MANBA: variants seen among roughly 807,000 people sequenced by gnomAD.
MANBA encodes the protein beta-mannosidase.
Under a neutral mutation model 111.1 loss-of-function variants are expected in MANBA, and 83 were observed. The ratio of observed to expected loss-of-function variants is 0.75; its 90% confidence interval spans 0.63 to 0.90. The LOEUF (loss-of-function observed/expected upper bound fraction) is 0.90. Ranked by LOEUF, MANBA falls within the 40% of genes least tolerant of loss-of-function variation. The pLI, the probability that MANBA is intolerant of heterozygous loss-of-function variation, is 0.00. For synonymous variants in MANBA, 370 were observed against 378.7 expected (o/e 0.98, Z 0.27); for missense variants, 1,036 against 1,069.0 (o/e 0.97, Z 0.43).
chr4:102,665,384 G>A (rs1317169165), intron 10 of MANBA: 2 of 161,144 alleles, frequency 1.2e-5, no homozygotes, highest in Non-Finnish European at 2.7e-5. Flanking sequence ...TACAAAGCAA[G>A]TGAGTACTAG....
intron 1 of MANBA, among the ~76,000 whole-genome samples, chr4:102,754,385 A>T (rs1723926420): frequency 6.6e-6 from 1 of 152,158 alleles, no homozygotes; most frequent in African/African-American, 2.4e-5. Flanking sequence ...ATAGAAAAAA[A>T]TGGAGTCCAA....
At chr4:102,729,914 A>T in intron 1 of MANBA, 1 of 1,515,220 alleles carries the variant, frequency 6.6e-7, no homozygotes, top group Non-Finnish European at 9.1e-7. Flanking sequence ...GGGTGCGCAC[A>T]GCCTGGATGT....
At chr4:102,688,917 G>C (rs1732345251) in intron 7 of MANBA, among the ~76,000 whole-genome samples, 1 of 152,194 alleles carries the variant, frequency 6.6e-6, no homozygotes, top group Non-Finnish European at 1.5e-5. Context: ...TGATGGGCAA[G>C]AGGTCTTATT....
In MANBA at chr4:102,751,308, G is replaced by T. The variant is rs1723781215; in HGVS notation, c.177+9410C>A. ...AGACTGCAGCTTCTCGCTTACCTGT[G>T]CAGTCTAATTTTGAGCGGCCTCTTT... On this transcript the variant is annotated intron_variant, in intron 1 of 16. Coordinates refer to ENST00000647097, the MANE Select transcript of MANBA (RefSeq NM_005908.4). The T allele has an allele frequency of 3.3e-5, 11 of 338,036 alleles. 1 individual carries two copies. The highest frequency in any genetic ancestry group is 2.6e-4 in the South Asian group (11 of 41,546). 20.9% of individuals were successfully genotyped at this position (338,036 alleles called of 1,614,324 possible). A position where few individuals can be genotyped will look rare whatever the true frequency, so the allele number is the denominator to read the frequency against.
chr4:102,729,263 T>C (rs900583892), intron 1 of MANBA: 71 of 751,552 alleles, frequency 9.4e-5, no homozygotes, highest in South Asian at 2.2e-4. Context: ...ATCTCAGTCT[T>C]TGTACACTGC....
At chr4:102,736,782 C>T (rs1204251997) in intron 1 of MANBA, among the ~76,000 whole-genome samples, 1 of 152,166 alleles carries the variant, frequency 6.6e-6, no homozygotes, top group African/African-American at 2.4e-5. Context: ...TGAATTTTTG[C>T]TCCAAGAACC....
intron 1 of MANBA, among the ~76,000 whole-genome samples, chr4:102,730,955 G>A (rs1723010786): frequency 6.6e-6 from 1 of 151,822 alleles, no homozygotes; most frequent in African/African-American, 2.4e-5. Flanking sequence ...CATCTCACAC[G>A]CTCCACCTCT....
chr4:102,682,529 G>A lies in MANBA; in HGVS notation c.960+7045C>T, dbSNP rs1312760617. Among the ~76,000 whole-genome samples the A allele has an allele frequency of 2.6e-5, 4 of 152,100 alleles. No homozygotes were observed. The East Asian group carries it at 5.8e-4, about 22-fold the overall frequency. ...TTAATAAAACTTCTGACAAGAATAAGGCCAAAAGGACAGTGTACTGGGTTG... is the reference window on the plus strand; with the variant it reads ...TTAATAAAACTTCTGACAAGAATAAAGCCAAAAGGACAGTGTACTGGGTTG... On this transcript the variant is annotated intron_variant, in intron 7 of 16. Coordinates refer to ENST00000647097, the MANE Select transcript of MANBA (RefSeq NM_005908.4).
intron 15 of MANBA, among the ~76,000 whole-genome samples, chr4:102,635,660 C>G (rs909264755): frequency 6.6e-6 from 1 of 152,184 alleles, no homozygotes; most frequent in Admixed American, 6.5e-5. Flanking sequence ...AGACTGGTAT[C>G]ATTTTACTGA....
chr4:102,738,001 T>C (rs2110203836), intron 1 of MANBA, among the ~76,000 whole-genome samples: 1 of 152,280 alleles, frequency 6.6e-6, no homozygotes, highest in Admixed American at 6.5e-5. Context: ...ACATAAACCC[T>C]TGGGACCTCT....
chr4:102,697,491 A>G (rs1236508098), intron 5 of MANBA, among the ~76,000 whole-genome samples: 4 of 144,094 alleles, frequency 2.8e-5, no homozygotes, highest in South Asian at 2.4e-4. Flanking sequence ...ATATCTCCCA[A>G]TGCTATCCCT....
At chr4:102,730,290 A>G (rs888924564) in intron 1 of MANBA, 1 of 543,770 alleles carries the variant, frequency 1.8e-6, no homozygotes, top group South Asian at 2.6e-5. Flanking sequence ...TGACCGGAGG[A>G]ATTTACAAGA....
chr4:102,698,289 T>C (rs1732832278), intron 5 of MANBA, among the ~76,000 whole-genome samples: 1 of 152,072 alleles, frequency 6.6e-6, no homozygotes, highest in South Asian at 2.1e-4. Flanking sequence ...GTGAAAATTT[T>C]CTCCCATTTT....
rs149704388 is a variant in MANBA, at chr4:102,636,131, C to G, written c.2015-124G>C. ...GAGTGAGCATGTGAGGGAGAGTCAA[C>G]AGTGGAGGGCACCCATGTTTGTGAA... On this transcript the variant is annotated intron_variant, in intron 14 of 16. Coordinates refer to ENST00000647097, the MANE Select transcript of MANBA (RefSeq NM_005908.4). The G allele has an allele frequency of 5.2e-5, 42 of 807,450 alleles. 1 individual carries two copies. In the East Asian group the frequency reaches 1.1e-3, roughly 21 times the overall value. 50.0% of individuals were successfully genotyped at this position (807,450 alleles called of 1,614,324 possible).
intron 1 of MANBA, among the ~76,000 whole-genome samples, chr4:102,739,591 G>C (rs2110204664): frequency 6.6e-6 from 1 of 152,262 alleles, no homozygotes; most frequent in Admixed American, 6.5e-5. Flanking sequence ...ATACCAAAAA[G>C]ATAATACACC....
intron 1 of MANBA, among the ~76,000 whole-genome samples, chr4:102,755,643 C>CT (rs1723981098): frequency 6.6e-6 from 1 of 152,180 alleles, no homozygotes; most frequent in Non-Finnish European, 1.5e-5. Flanking sequence ...AACTAGAGAG[C>CT]TTCTGCACAG....
chr4:102,671,661 GT>G, intron 8 of MANBA, among the ~76,000 whole-genome samples: 1 of 152,172 alleles, frequency 6.6e-6, no homozygotes, highest in South Asian at 2.1e-4. Flanking sequence ...TTAAATTTAT[GT>G]TTTATATTTA....
intron 11 of MANBA, chr4:102,658,924 T>G (rs1482856587): frequency 6.6e-6 from 1 of 152,314 alleles, no homozygotes; most frequent in Non-Finnish European, 1.5e-5. Context: ...ACTCAAAATA[T>G]AGTTACTATC....
intron 5 of MANBA, among the ~76,000 whole-genome samples, chr4:102,693,626 T>C (rs1489149187): frequency 6.6e-6 from 1 of 152,186 alleles, no homozygotes; most frequent in Non-Finnish European, 1.5e-5. Flanking sequence ...TGGTATTTTC[T>C]TAGGGCAGCC....
Sources: gnomAD v4.1 joint callset for allele counts (sites outside exome capture counted in the v4.1 genomes callset) on GRCh38, gnomAD v4.1.1 for gene constraint, MANE v1.5 for transcripts, NCBI Gene and HGNC (gene_info 2026-07-23, HGNC 2026-07-21) for gene names.